IL18R1: variants seen among roughly 807,000 people sequenced by gnomAD.
The protein encoded by IL18R1 is interleukin-18 receptor 1.
Under a neutral mutation model 48.5 loss-of-function variants are expected in IL18R1, and 40 were observed. The observed-to-expected ratio is 0.82, with a 90% CI of 0.64 to 1.07. The LOEUF (loss-of-function observed/expected upper bound fraction) is 1.07, where lower values mean the gene tolerates loss of function less well. IL18R1 is among the 50% of genes least tolerant of loss of function. IL18R1 has a pLI of 0.00. For synonymous variants in IL18R1, 232 were observed against 225.9 expected (o/e 1.03, Z -0.24); for missense variants, 596 against 633.7 (o/e 0.94, Z 0.64).
At chr2:102,382,230 C>T (rs1679961708) in intron 6 of IL18R1, among the ~76,000 whole-genome samples, 1 of 152,130 alleles carries the variant, frequency 6.6e-6, no homozygotes, top group African/African-American at 2.4e-5. Flanking sequence ...TGAAATCACA[C>T]CACTGCACTC....
chr2:102,363,530 T>G (rs1678709374), intron 2 of IL18R1, among the ~76,000 whole-genome samples: 1 of 152,198 alleles, frequency 6.6e-6, no homozygotes, highest in Non-Finnish European at 1.5e-5. Context: ...CTTCATTTTT[T>G]TATATGTAAT....
In IL18R1 at chr2:102,386,969, A is replaced by G; in HGVS notation, c.918A>G (p.Thr306=). The change falls in exon 8 of 11, where the codon ACA becomes ACG. Residue 306 remains threonine, a synonymous_variant. Transcript: ENST00000233957. ...YNCTVASTGG[T]DTKSFILVRK... ...GCACTGTGGCCAGCACGGGAGGCAC[A>G]GACACCAAAAGCTTCATCTTGGTGA... 6.2e-7 allele frequency: 1 copy of G among 1,613,750 alleles called. No homozygotes were observed. The highest frequency in any genetic ancestry group is 1.1e-5 in the South Asian group (1 of 90,916).
intron 1 of IL18R1, among the ~76,000 whole-genome samples, chr2:102,360,244 T>C (rs901759803): frequency 6.6e-6 from 1 of 152,176 alleles, no homozygotes; most frequent in Non-Finnish European, 1.5e-5. Flanking sequence ...TAGGTGGAAA[T>C]GCAGGATATG....
intron 3 of IL18R1, among the ~76,000 whole-genome samples, chr2:102,370,330 G>A (rs1031480819): frequency 5.9e-5 from 9 of 152,204 alleles, no homozygotes; most frequent in Non-Finnish European, 1.3e-4. Context: ...GGATATTCAT[G>A]TACCCTATTC....
chr2:102,363,896 A>T (rs2105035327), intron 2 of IL18R1, among the ~76,000 whole-genome samples: 1 of 152,316 alleles, frequency 6.6e-6, no homozygotes, highest in South Asian at 2.1e-4. Flanking sequence ...GGGTTCTTAT[A>T]CTGTGTTTAT....
In IL18R1 at chr2:102,356,335, A is replaced by C; in HGVS notation, c.-94A>C. ...CCTACTTTCTGAACTTGGCCTCCGC[A>C]GTCGCGACCTGGCGTGAAGGAGGAG... On this transcript the variant is annotated 5_prime_UTR_variant, in exon 1 of 11. Transcript: ENST00000233957. The C allele has an allele frequency of 1.0e-6, 1 of 984,728 alleles. No individual in the cohort carries two copies. Among genetic ancestry groups the C allele is most frequent in the African/African-American group, 1.8e-5 (1 of 57,084 alleles). The allele number at this position is 984,728 out of a possible 1,614,324, so 61.0% of individuals were successfully genotyped here.
chr2:102,383,550 C>T (rs1386959985), intron 6 of IL18R1, among the ~76,000 whole-genome samples: 9 of 152,124 alleles, frequency 5.9e-5, no homozygotes, highest in Non-Finnish European at 8.8e-5. Context: ...CATAACACTT[C>T]CTCTCTCAAT....
intron 1 of IL18R1, among the ~76,000 whole-genome samples, chr2:102,360,428 TA>T (rs1678507916): frequency 6.6e-6 from 1 of 152,134 alleles, no homozygotes; most frequent in East Asian, 1.9e-4. Flanking sequence ...CGTGCCTGGC[TA>T]ATTTTTTGTA....
At chr2:102,389,207 C>T in intron 8 of IL18R1, among the ~76,000 whole-genome samples, 1 of 152,122 alleles carries the variant, frequency 6.6e-6, no homozygotes, top group South Asian at 2.1e-4. Context: ...CTGAAATGCT[C>T]ATAATATAAT....
At chr2:102,394,034 T>C (rs11465653) in intron 9 of IL18R1, among the ~76,000 whole-genome samples, 1 of 152,184 alleles carries the variant, frequency 6.6e-6, no homozygotes, top group Non-Finnish European at 1.5e-5. Context: ...ATTAGGAGCA[T>C]GGTCTTTGTT....
At chr2:102,367,756 G>A (rs1234871130) in intron 2 of IL18R1, 69 bp from the exon 3 acceptor site, 3 of 1,438,628 alleles carry the variant, frequency 2.1e-6, no homozygotes, top group East Asian at 2.4e-5. Context: ...TGCATTAGGA[G>A]ACCAAAAAAA....
intron 1 of IL18R1, among the ~76,000 whole-genome samples, chr2:102,357,273 T>G (rs1678305115): frequency 6.6e-6 from 1 of 151,848 alleles, no homozygotes; most frequent in Non-Finnish European, 1.5e-5. Context: ...GGGCGGATCA[T>G]GAGGTCAGGA....
intron 5 of IL18R1, among the ~76,000 whole-genome samples, chr2:102,378,734 G>A (rs1679739660): frequency 6.6e-6 from 1 of 152,200 alleles, no homozygotes; most frequent in Admixed American, 6.5e-5. Flanking sequence ...ACATAAAGGT[G>A]CTCATTACAT....
At chr2:102,382,933 T>G (rs1375727059) in intron 6 of IL18R1, among the ~76,000 whole-genome samples, 1 of 152,326 alleles carries the variant, frequency 6.6e-6, no homozygotes, top group East Asian at 1.9e-4. Flanking sequence ...TATCCTCTGG[T>G]AGTATATACC....
chr2:102,375,993 C>T lies in IL18R1; in HGVS notation c.555C>T (p.Cys185=), dbSNP rs573316949. The change falls in exon 5 of 11, where the codon TGC becomes TGT. Residue 185 remains cysteine (C), a synonymous_variant. Transcript: ENST00000233957. ...TTGAAGATCAGGGGTATTACTCCTG[C>T]GTGCATTTCCTTCATCATAATGGAA... ...AEFEDQGYYS[C]VHFLHHNGKL... 33 of 1,606,728 alleles carry T rather than the reference C, an allele frequency of 2.1e-5. No homozygotes were observed. The highest frequency in any genetic ancestry group is 6.8e-5 in the Admixed American group (4 of 58,686).
intron 8 of IL18R1, among the ~76,000 whole-genome samples, chr2:102,388,062 C>A (rs970362286): frequency 6.6e-6 from 1 of 152,132 alleles, no homozygotes; most frequent in African/African-American, 2.4e-5. Context: ...CAGACACACA[C>A]AAACATGCAG....
In IL18R1 at chr2:102,376,020, A is replaced by G. The variant is rs1197555635; in HGVS notation, c.582A>G (p.Lys194=). Residue 194 remains lysine (K), a synonymous_variant, in exon 5 of 11, where the codon AAA becomes AAG. Coordinates refer to ENST00000233957, the MANE Select transcript of IL18R1 (RefSeq NM_003855.5). ...SCVHFLHHNG[K]LFNITKTFNI... ...TGCATTTCCTTCATCATAATGGAAA[A>G]CTATTTAATATCACCAAAACCTTCA... The G allele has an allele frequency of 6.2e-7, 1 of 1,603,746 alleles. No homozygotes were observed. The highest frequency in any genetic ancestry group is 8.5e-7 in the Non-Finnish European group (1 of 1,176,622).
intron 9 of IL18R1, among the ~76,000 whole-genome samples, chr2:102,392,642 G>C (rs113914167): frequency 9.7e-4 from 147 of 152,200 alleles, no homozygotes; most frequent in Admixed American, 2.3e-3. Flanking sequence ...AAAGTGTTCA[G>C]TATTGGTTTC....
intron 10 of IL18R1, 36 bp downstream of exon 10, chr2:102,394,663 T>C (rs562948174): frequency 8.4e-6 from 13 of 1,542,070 alleles, no homozygotes; most frequent in South Asian, 6.0e-5. Flanking sequence ...ATATTCAAGA[T>C]AGTTTCTTTT....
Sources: allele counts gnomAD v4.1 joint callset (sites outside exome capture counted in the v4.1 genomes callset), GRCh38; gene constraint gnomAD v4.1.1; transcripts MANE v1.5; gene names NCBI Gene and HGNC (gene_info 2026-07-23, HGNC 2026-07-21).